Variants in RGS3 observed in about 807,000 individuals in gnomAD.
RGS3 encodes the protein regulator of G-protein signalling 3.
A neutral mutation model predicts 132.6 loss-of-function variants in RGS3; 80 were observed. The observed-to-expected ratio is 0.60, with a 90% CI of 0.50 to 0.73. The LOEUF is 0.73. Ranked by LOEUF, RGS3 falls within the 30% of genes least tolerant of loss-of-function variation. The pLI, the probability that RGS3 is intolerant of heterozygous loss-of-function variation, is 0.00. For synonymous variants in RGS3, 598 were observed against 620.6 expected (o/e 0.96, Z 0.54); for missense variants, 1,382 against 1,530.8 (o/e 0.90, Z 1.62).
chr9:113,547,603 G>A (rs1391407807), intron 19 of RGS3, among the ~76,000 whole-genome samples: 2 of 152,172 alleles, frequency 1.3e-5, no homozygotes, highest in African/African-American at 4.8e-5. Flanking sequence ...GTCAAGAACC[G>A]CAATTACTTT....
At chr9:113,474,163 T>C (rs1356553102) in intron 3 of RGS3, among the ~76,000 whole-genome samples, 1 of 152,210 alleles carries the variant, frequency 6.6e-6, no homozygotes, top group Non-Finnish European at 1.5e-5. Context: ...GAGCAATCTC[T>C]TTCTGTAAGG....
chr9:113,595,430 G>A, intron 23 of RGS3, 169 bp from the exon 22 acceptor site: 1 of 648,118 alleles, frequency 1.5e-6, no homozygotes. Flanking sequence ...CCTGAAAGAG[G>A]CAGTGGCAGG....
In RGS3 at chr9:113,565,633, G is replaced by T. The variant is rs1833964437; in HGVS notation, c.2038-17817G>T. 2 of 275,572 alleles carry T rather than the reference G, an allele frequency of 7.3e-6. No homozygotes were observed. The highest frequency in any genetic ancestry group is 6.5e-5 in the South Asian group (2 of 30,588). The allele number at this position is 275,572 out of a possible 1,614,324, so 17.1% of individuals were successfully genotyped here. ...GCCGCCAGGAGCTGCCACAGCCACG[G>T]CCGCCCGCCTGCGGGAGGAGCCGGG... On this transcript the variant is annotated intron_variant, in intron 19 of 24. Coordinates refer to ENST00000350696, the Ensembl canonical transcript of RGS3. The surrounding 1 kb of genome is among the most constrained non-coding windows in gnomAD (Gnocchi z 5.7).
chr9:113,558,793 A>G (rs1375355308), intron 19 of RGS3, among the ~76,000 whole-genome samples: 1 of 152,162 alleles, frequency 6.6e-6, no homozygotes, highest in Non-Finnish European at 1.5e-5. Flanking sequence ...AGACCAGTCC[A>G]CTCATCTCAT....
chr9:113,499,247 A>AT (rs1685036975), intron 10 of RGS3, among the ~76,000 whole-genome samples: 1 of 150,792 alleles, frequency 6.6e-6, no homozygotes, highest in South Asian at 2.1e-4. Flanking sequence ...AAAAAAAAAA[A>AT]GGAGAAACAA....
chr9:113,596,898 G>A lies in RGS3; in HGVS notation c.3542G>A (p.Arg1181His), dbSNP rs140250676. Residue 1181 changes from arginine (R) to histidine (H), a missense_variant, in exon 25 of 25, where the codon CGT (arginine) becomes CAT (histidine). Coordinates refer to ENST00000350696, the Ensembl canonical transcript of RGS3. ...AAGGACTCGTACCCTCGCTTTCTCC[G>A]TTCTGACCTCTACCTGGACCTTATT... 6.1e-5 allele frequency: 98 copies of A among 1,613,680 alleles called. 1 individual carries two copies. In the African/African-American group the frequency reaches 6.7e-4, roughly 11 times the overall value.
intron 14 of RGS3, among the ~76,000 whole-genome samples, chr9:113,513,332 C>T (rs934282316): frequency 1.3e-5 from 2 of 152,154 alleles, no homozygotes; most frequent in African/African-American, 4.8e-5. Context: ...GCTGTCCTTC[C>T]TGGGGGTGGT....
At chr9:113,487,616 G>T (rs1830382060) in intron 7 of RGS3, among the ~76,000 whole-genome samples, 1 of 152,168 alleles carries the variant, frequency 6.6e-6, no homozygotes. Context: ...ACAGGTGAAA[G>T]GACAGAAGAA....
At position 113,591,155 on chromosome 9, in the gene RGS3, C is replaced by G. The variant is rs1835402324; in HGVS notation, c.3016-178C>G. Among the ~76,000 whole-genome samples, 1 of 152,198 alleles carries G rather than the reference C, an allele frequency of 6.6e-6. No individual in the cohort carries two copies. Among genetic ancestry groups the G allele is most frequent in the Non-Finnish European group, 1.5e-5 (1 of 68,042 alleles). On this transcript the variant is annotated intron_variant, in intron 20 of 24. Coordinates refer to ENST00000350696, the Ensembl canonical transcript of RGS3. This position sits in a 1 kb window ranked among gnomAD's most constrained non-coding sequence, Gnocchi z 4.4. The stretch of plus-strand genomic sequence containing the variant: ...CGGAGAGTCTGCCAGGCCGATTCCA[C>G]TTCATGGCCAGGCTGTTCCCAGCAG...
At chr9:113,467,553 T>C (rs1391863513) in intron 3 of RGS3, among the ~76,000 whole-genome samples, 1 of 152,230 alleles carries the variant, frequency 6.6e-6, no homozygotes, top group East Asian at 1.9e-4. Flanking sequence ...TCAGATCTTT[T>C]GTTCATTTTA....
intron 8 of RGS3, among the ~76,000 whole-genome samples, 181 bp from the exon 7 acceptor site, chr9:113,497,133 C>G (rs1049290065): frequency 6.6e-5 from 10 of 152,188 alleles, no homozygotes; most frequent in Non-Finnish European, 1.5e-5. Flanking sequence ...CAGATCTGCC[C>G]TGAGCATCAC....
intron 1 of RGS3, chr9:113,444,944 GCCATTTCCCCACCATCTGGGC>G (rs1829071481): frequency 2.6e-5 from 4 of 152,198 alleles, no homozygotes; most frequent in African/African-American, 9.7e-5. Context: ...GCTGCTAACT[GCCATTTCCCCACCATCTGGGC>G]CTAAGGAAGC....
At chr9:113,472,707 T>C (rs1274966769) in intron 3 of RGS3, among the ~76,000 whole-genome samples, 3 of 152,166 alleles carry the variant, frequency 2.0e-5, no homozygotes, top group Non-Finnish European at 2.9e-5. Flanking sequence ...AGGTGATTGA[T>C]TACAGAATCC....
At chr9:113,458,866 C>T (rs1829412883), upstream of RGS3, among the ~76,000 whole-genome samples, 1 of 152,174 alleles carries the variant, frequency 6.6e-6, no homozygotes, top group Admixed American at 6.6e-5. Flanking sequence ...ATTCTCATGC[C>T]TCAGTCTCCC....
chr9:113,454,772 A>C (rs1829330087), intron 1 of RGS3, among the ~76,000 whole-genome samples: 1 of 146,684 alleles, frequency 6.8e-6, no homozygotes, highest in Admixed American at 7.0e-5. Flanking sequence ...GACCCTTCTG[A>C]GTATTCTATC....
intron 7 of RGS3, among the ~76,000 whole-genome samples, chr9:113,487,278 A>AT (rs1466679592): frequency 1.3e-5 from 2 of 148,284 alleles, no homozygotes; most frequent in East Asian, 2.0e-4. Flanking sequence ...CGCCCGGCTA[A>AT]TTTTTTGTAT....
At chr9:113,462,017 G>A in intron 2 of RGS3, 1 of 1,612,892 alleles carries the variant, frequency 6.2e-7, no homozygotes, top group Non-Finnish European at 8.5e-7. Context: ...TCTTGCTCCT[G>A]CAGGTCTGCC....
chr9:113,548,274 G>A (rs929069360), intron 19 of RGS3, among the ~76,000 whole-genome samples: 1 of 152,210 alleles, frequency 6.6e-6, no homozygotes, highest in Non-Finnish European at 1.5e-5. Flanking sequence ...TCTTAGGGTT[G>A]TCTCACTCAG....
chr9:113,450,703 G>C (rs907029505), intron 1 of RGS3, among the ~76,000 whole-genome samples: 1 of 152,132 alleles, frequency 6.6e-6, no homozygotes, highest in Non-Finnish European at 1.5e-5. Flanking sequence ...AGGACTAAAG[G>C]CCACAGCCAG....
Sources: gnomAD v4.1 joint callset for allele counts (sites outside exome capture counted in the v4.1 genomes callset) on GRCh38, gnomAD v4.1.1 for gene constraint, Gnocchi (gnomAD v3.1) non-coding constraint, MANE v1.5 for transcripts, NCBI Gene and HGNC (gene_info 2026-07-23, HGNC 2026-07-21) for gene names.